Variants in SSRP1 observed in about 807,000 individuals in gnomAD.
The protein encoded by SSRP1 is structure specific recognition protein 1, also known as FACT complex subunit SSRP1.
SSRP1 carries 21 observed loss-of-function variants against 84.4 expected under a neutral mutation model. The observed-to-expected ratio is 0.25, with a 90% confidence interval of 0.18 to 0.36. The LOEUF (loss-of-function observed/expected upper bound fraction) is 0.36. Among genes scored for constraint, SSRP1 ranks in the 10% least tolerant of loss-of-function variants. The pLI is 1.00. For synonymous variants in SSRP1, 319 were observed against 318.3 expected (o/e 1.00, Z -0.02); for missense variants, 519 against 900.8 (o/e 0.58, Z 5.43).
Position 57,335,524 on chromosome 11 carries a change from C to A in SSRP1, c.-120+206G>T. ...CAGGGTCTGCCAGGAGCCCGCACAT[C>A]GCACGCGACCCAATCCAGCTCAGAG... On this transcript the variant is annotated intron_variant, in intron 1 of 16. Transcript: ENST00000278412. The surrounding 1 kb of genome is among the most constrained non-coding windows in gnomAD (Gnocchi z 4.6). The A allele has an allele frequency of 3.4e-6, 1 of 293,092 alleles. No individual in the cohort carries two copies. Among genetic ancestry groups the A allele is most frequent in the Non-Finnish European group, 6.8e-6 (1 of 146,742 alleles). The allele number at this position is 293,092 out of a possible 1,614,324, so 18.2% of individuals were successfully genotyped here. A position where few individuals can be genotyped will look rare whatever the true frequency, so the allele number is the denominator to read the frequency against.
intron 16 of SSRP1, 59 bp downstream of exon 16, chr11:57,326,642 CCA>C: frequency 3.1e-6 from 5 of 1,592,604 alleles, no homozygotes; most frequent in Non-Finnish European, 4.3e-6. Flanking sequence ...CAGACCAACC[CCA>C]CACAGACACA....
chr11:57,331,896 G>A lies in SSRP1; in HGVS notation c.1002-7C>T, dbSNP rs1361572540. 2.6e-5 allele frequency: 41 copies of A among 1,607,740 alleles called. No homozygotes were observed. Among genetic ancestry groups the A allele is most frequent in the Non-Finnish European group, 3.4e-5 (40 of 1,177,182 alleles). On this transcript the variant is annotated splice_polypyrimidine_tract_variant and splice_region_variant and intron_variant, in intron 8 of 16. Coordinates refer to ENST00000278412, the MANE Select transcript of SSRP1 (RefSeq NM_003146.3). ...GCACTGGGCCCCTGAGTGCCTGACA[G>A]AGGGTGCAGGGAGCCTGGTTAGTGC...
rs757438824 is a variant in SSRP1, at chr11:57,335,166, C to G, written c.-45G>C. The G allele has an allele frequency of 6.2e-7, 1 of 1,608,888 alleles. No individual in the cohort carries two copies. Among genetic ancestry groups the G allele is most frequent in the Non-Finnish European group, 8.5e-7 (1 of 1,175,614 alleles). On this transcript the variant is annotated 5_prime_UTR_variant, in exon 2 of 17. Coordinates refer to ENST00000278412, the MANE Select transcript of SSRP1 (RefSeq NM_003146.3). This position sits in a 1 kb window ranked among gnomAD's most constrained non-coding sequence, Gnocchi z 4.6. ...GGCCTGGGCAGAGCCCCAGGCTGCA[C>G]AAGGGAAACCAAGTAAACTGGGAGC...
Position 57,334,639 on chromosome 11 carries a change from G to A in SSRP1, c.64C>T (p.Arg22Ter). 6.2e-7 allele frequency: 1 copy of A among 1,613,954 alleles called. No homozygotes were observed. Among genetic ancestry groups the A allele is most frequent in the Non-Finnish European group, 8.5e-7 (1 of 1,180,028 alleles). ...QEVKGSMNDG[R>*]LRLSRQGIIF... Reference sequence around the variant, plus strand: ...ATGCCCTGACGGCTCAACCTCAGTCGACCATCATTCTGTAAGAAAAGCAGG... The same window carrying A: ...ATGCCCTGACGGCTCAACCTCAGTCAACCATCATTCTGTAAGAAAAGCAGG... The change falls in exon 3 of 17, where the codon CGA (arginine) becomes TGA (stop). Residue 22 changes from arginine (R) to a stop codon, truncating the protein, a stop_gained. Transcript: ENST00000278412. LOFTEE classifies it high-confidence loss of function.
chr11:57,334,428 G>A (rs752317198), intron 3 of SSRP1, 35 bp downstream of exon 3: 3 of 1,602,806 alleles, frequency 1.9e-6, no homozygotes, highest in Non-Finnish European at 2.6e-6. Context: ...AGAAGATGCA[G>A]TAAAAAGGAG....
intron 13 of SSRP1, 76 bp downstream of exon 13, chr11:57,328,221 G>A (rs530117024): frequency 5.5e-5 from 87 of 1,569,268 alleles, no homozygotes; most frequent in Middle Eastern, 1.7e-4. Context: ...TGGTGGACAG[G>A]AGAAGGTAAA....
At chr11:57,333,677 C>T in intron 3 of SSRP1, 137 bp from the exon 4 acceptor site, 1 of 642,738 alleles carries the variant, frequency 1.6e-6, no homozygotes, top group East Asian at 2.8e-5. Flanking sequence ...ACTTAGCAAC[C>T]CAGCTCATGG....
rs1856068736 is a variant in SSRP1, at chr11:57,330,573, T to C, written c.1297-144A>G. 2 of 1,444,452 alleles carry C rather than the reference T, an allele frequency of 1.4e-6. No individual in the cohort carries two copies. The highest frequency in any genetic ancestry group is 2.4e-5 in the Admixed American group (1 of 41,046). 89.5% of individuals were successfully genotyped at this position (1,444,452 alleles called of 1,614,324 possible). A position where few individuals can be genotyped will look rare whatever the true frequency, so the allele number is the denominator to read the frequency against. On this transcript the variant is annotated intron_variant, in intron 10 of 16. Transcript: ENST00000278412. The surrounding 1 kb of genome is among the most constrained non-coding windows in gnomAD (Gnocchi z 4.0). Reference sequence around the variant, plus strand: ...CTGGATTGTCCACACACAGCCAACGTGCAGGGCCTATGCCCAAGTACTTCC... The same window carrying C: ...CTGGATTGTCCACACACAGCCAACGCGCAGGGCCTATGCCCAAGTACTTCC...
At chr11:57,329,830 C>A in intron 12 of SSRP1, 1 of 564,954 alleles carries the variant, frequency 1.8e-6, no homozygotes, top group South Asian at 2.1e-5. Flanking sequence ...CTCTCCTCAT[C>A]CAACTACGAA....
chr11:57,335,136 G>A lies in SSRP1; in HGVS notation c.-15C>T. On this transcript the variant is annotated 5_prime_UTR_variant, in exon 2 of 17. Coordinates refer to ENST00000278412, the MANE Select transcript of SSRP1 (RefSeq NM_003146.3). This position sits in a 1 kb window ranked among gnomAD's most constrained non-coding sequence, Gnocchi z 4.6. ...GTCTCTGCCATGTCGACCCCTGCCTGTGGTGGCCTGGGCAGAGCCCCAGGC... is the reference window on the plus strand; with the variant it reads ...GTCTCTGCCATGTCGACCCCTGCCTATGGTGGCCTGGGCAGAGCCCCAGGC... The A allele has an allele frequency of 6.2e-7, 1 of 1,614,030 alleles. No individual in the cohort carries two copies. Among genetic ancestry groups the A allele is most frequent in the Admixed American group, 1.7e-5 (1 of 60,024 alleles).
chr11:57,335,201 A>C lies in SSRP1; in HGVS notation c.-80T>G. On this transcript the variant is annotated 5_prime_UTR_variant, in exon 2 of 17. Transcript: ENST00000278412. This position sits in a 1 kb window ranked among gnomAD's most constrained non-coding sequence, Gnocchi z 4.6. ...CAAGTAAACTGGGAGCTGGGCCCCA[A>C]CTCCTGAGTGGGTGTGCGGATGCTC... is the stretch of plus-strand genomic sequence containing the variant. 7.0e-7 allele frequency: 1 copy of C among 1,437,032 alleles called. No individual in the cohort carries two copies. Among genetic ancestry groups the C allele is most frequent in the Non-Finnish European group, 9.8e-7 (1 of 1,020,552 alleles). The allele number at this position is 1,437,032 out of a possible 1,614,324, so 89.0% of individuals were successfully genotyped here.
chr11:57,333,388 C>T (rs944016250), intron 4 of SSRP1, 47 bp downstream of exon 4: 5 of 1,500,496 alleles, frequency 3.3e-6, no homozygotes, highest in Non-Finnish European at 4.6e-6. Flanking sequence ...GGCTGAAACC[C>T]TTCACCCTAT....
At chr11:57,329,547 G>A (rs2134387389) in intron 12 of SSRP1, 1 of 161,342 alleles carries the variant, frequency 6.2e-6, no homozygotes, top group South Asian at 1.7e-4. Context: ...TTTTAATTAA[G>A]GAAATCGGAA....
intron 9 of SSRP1, among the ~76,000 whole-genome samples, chr11:57,331,213 G>T (rs1380199874): frequency 6.6e-6 from 1 of 152,152 alleles, no homozygotes; most frequent in Non-Finnish European, 1.5e-5. Context: ...GTAAGTGTGG[G>T]GCAGGGGACG....
intron 15 of SSRP1, 141 bp from the exon 16 acceptor site, chr11:57,327,030 T>C: frequency 7.1e-7 from 1 of 1,415,528 alleles, no homozygotes; most frequent in Non-Finnish European, 9.2e-7. Context: ...TGCGTCAGCC[T>C]GGAGGGCACC....
At chr11:57,326,618 A>C in intron 16 of SSRP1, 85 bp downstream of exon 16, 1 of 1,534,210 alleles carries the variant, frequency 6.5e-7, no homozygotes, top group African/African-American at 1.4e-5. Context: ...ATCCACTCCA[A>C]CTCATTACTC....
At position 57,330,076 on chromosome 11, in the gene SSRP1, G is replaced by T; in HGVS notation, c.1481+17C>A. 1.2e-6 allele frequency: 2 copies of T among 1,614,060 alleles called. No individual in the cohort carries two copies. The highest frequency in any genetic ancestry group is 8.5e-7 in the Non-Finnish European group (1 of 1,180,002). On this transcript the variant is annotated intron_variant, in intron 12 of 16. Coordinates refer to ENST00000278412, the MANE Select transcript of SSRP1 (RefSeq NM_003146.3). This position sits in a 1 kb window ranked among gnomAD's most constrained non-coding sequence, Gnocchi z 4.0. Reference sequence around the variant, plus strand: ...TGGGTCACCATCTTATCCCCACAAGGTACCACCAAAACTCACTCCTCTGCC... The same window carrying T: ...TGGGTCACCATCTTATCCCCACAAGTTACCACCAAAACTCACTCCTCTGCC...
At position 57,328,386 on chromosome 11, in the gene SSRP1, C is replaced by A; in HGVS notation, c.1522G>T (p.Gly508Cys). ...NASASSSSNE[G>C]DSDRDEKKRK... ...TTCTTCTCATCCCGGTCACTGTCACCCTCATTACTGGAGGAGCTGGCAGAG... is the reference window on the plus strand; with the variant it reads ...TTCTTCTCATCCCGGTCACTGTCACACTCATTACTGGAGGAGCTGGCAGAG... Residue 508 changes from glycine to cysteine, a missense_variant, in exon 13 of 17, where the codon GGT (glycine) becomes TGT (cysteine). Transcript: ENST00000278412. The A allele has an allele frequency of 1.2e-6, 2 of 1,614,202 alleles. No homozygotes were observed. Among genetic ancestry groups the A allele is most frequent in the Non-Finnish European group, 1.7e-6 (2 of 1,180,022 alleles).
chr11:57,334,913 C>G lies in SSRP1; in HGVS notation c.54+155G>C, dbSNP rs1856177858. On this transcript the variant is annotated intron_variant, in intron 2 of 16. Transcript: ENST00000278412. Reference sequence around the variant, plus strand: ...TCCCTATAACTCTGAGACTATCTCTCAGTATTGCCTTGAGTTGGTGGAGAC... The same window carrying G: ...TCCCTATAACTCTGAGACTATCTCTGAGTATTGCCTTGAGTTGGTGGAGAC... 2.0e-5 allele frequency among the ~76,000 whole-genome samples: 3 copies of G among 152,260 alleles called. No individual in the cohort carries two copies. The South Asian group carries it at 6.2e-4, about 31-fold the overall frequency.
Sources: allele counts gnomAD v4.1 joint callset (sites outside exome capture counted in the v4.1 genomes callset), GRCh38; gene constraint gnomAD v4.1.1; non-coding constraint Gnocchi (gnomAD v3.1); transcripts MANE v1.5; gene names NCBI Gene and HGNC (gene_info 2026-07-23, HGNC 2026-07-21).